The following GALNT1 variants were observed in gnomAD, a reference collection of about 807,000 sequenced individuals.
GALNT1 encodes polypeptide N-acetylgalactosaminyltransferase 1.
GALNT1 carries 17 observed loss-of-function variants against 65.7 expected under a neutral mutation model. That is an observed-to-expected ratio of 0.26 (90% CI 0.18 to 0.39). The LOEUF (loss-of-function observed/expected upper bound fraction) is 0.39, where lower values mean the gene tolerates loss of function less well. GALNT1 is among the 10% of genes least tolerant of loss of function. GALNT1 has a pLI of 1.00. For missense variants in GALNT1, 460 were observed against 672.8 expected, an observed-to-expected ratio of 0.68 and a Z score of 3.50; for synonymous variants, 210 against 219.7, an observed-to-expected ratio of 0.96 and a Z score of 0.39.
intron 1 of GALNT1, among the ~76,000 whole-genome samples, chr18:35,642,363 T>C (rs1442923925): frequency 6.6e-6 from 1 of 152,082 alleles, no homozygotes; most frequent in African/African-American, 2.4e-5. Flanking sequence ...GCAAGTCAGG[T>C]TTTTCCACTT....
intron 1 of GALNT1, among the ~76,000 whole-genome samples, chr18:35,652,692 GC>G (rs1568024532): frequency 6.6e-6 from 1 of 151,882 alleles, no homozygotes; most frequent in Non-Finnish European, 1.5e-5. Context: ...ATCATTTTTT[GC>G]CTCTCCTTTA....
At position 35,691,179 on chromosome 18, in the gene GALNT1, T is replaced by C; in HGVS notation, c.1146T>C (p.Tyr382=). The C allele has an allele frequency of 1.2e-6, 2 of 1,603,908 alleles. No homozygotes were observed. The highest frequency in any genetic ancestry group is 1.7e-6 in the Non-Finnish European group (2 of 1,176,652). ...TGGATGAATTCAAGAATTTCTTCTA[T>C]ATAATTTCTCCAGGTTAGCGTTGTT... is the stretch of plus-strand genomic sequence containing the variant. ...VWMDEFKNFF[Y]IISPGVTKVD... is the part of the protein sequence containing the mutation. Residue 382 remains tyrosine (Y), a synonymous_variant, in exon 8 of 12, where the codon TAT becomes TAC. Transcript: ENST00000269195.
At chr18:35,660,308 A>G (rs767196638) in intron 2 of GALNT1, among the ~76,000 whole-genome samples, 1 of 152,156 alleles carries the variant, frequency 6.6e-6, no homozygotes, top group African/African-American at 2.4e-5. Context: ...AAGGCATGCC[A>G]GTGGTTTGTG....
chr18:35,674,437 C>G (rs954329652), intron 3 of GALNT1, among the ~76,000 whole-genome samples: 1 of 152,146 alleles, frequency 6.6e-6, no homozygotes, highest in Non-Finnish European at 1.5e-5. Flanking sequence ...CCACATTCCA[C>G]TGGCAACCGC....
chr18:35,697,896 A>G (rs923197465), intron 9 of GALNT1, among the ~76,000 whole-genome samples: 2 of 152,232 alleles, frequency 1.3e-5, no homozygotes, highest in African/African-American at 2.4e-5. Context: ...AATCAGCCAT[A>G]AACAATTCCT....
In GALNT1 at chr18:35,662,417, C is replaced by G. The variant is rs566007973; in HGVS notation, c.140-1211C>G. Among the ~76,000 whole-genome samples the G allele has an allele frequency of 3.9e-5, 6 of 152,294 alleles. No individual in the cohort carries two copies. The South Asian group carries it at 1.0e-3, about 26-fold the overall frequency. On this transcript the variant is annotated intron_variant, in intron 2 of 11. Coordinates refer to ENST00000269195, the MANE Select transcript of GALNT1 (RefSeq NM_020474.4). ...TTTTTTCATCATCATTTTCTGAAATCTATTTTTAAATTCTGGACGTGGTTG... is the reference window on the plus strand; with the variant it reads ...TTTTTTCATCATCATTTTCTGAAATGTATTTTTAAATTCTGGACGTGGTTG...
intron 3 of GALNT1, among the ~76,000 whole-genome samples, chr18:35,675,490 A>C (rs2047698643): frequency 1.3e-5 from 2 of 152,044 alleles, no homozygotes; most frequent in Non-Finnish European, 1.5e-5. Context: ...TTATAATCTT[A>C]CAATCTTACT....
At chr18:35,601,643 G>T (rs113104739) in intron 1 of GALNT1, among the ~76,000 whole-genome samples, 3 of 152,000 alleles carry the variant, frequency 2.0e-5, no homozygotes, top group African/African-American at 7.2e-5. Flanking sequence ...ACTTCATCAC[G>T]GTCAGAAAAG....
Position 35,703,550 on chromosome 18 carries a change from C to T in GALNT1, c.1440C>T (p.Asp480=), listed in dbSNP as rs77648082. 5,337 of 1,613,836 alleles carry T rather than the reference C, an allele frequency of 3.3e-3. 163 individuals are homozygous for T. The African/African-American group carries it at 0.059, about 18-fold the overall frequency. ...YTANKEIRTD[D]LCLDVSKLNG... Reference sequence around the variant, plus strand: ...CCAACAAAGAAATTAGAACAGATGACCTTTGCTTGGATGTTTCCAAACTTA... The same window carrying T: ...CCAACAAAGAAATTAGAACAGATGATCTTTGCTTGGATGTTTCCAAACTTA... Residue 480 remains aspartate, a synonymous_variant, in exon 11 of 12, where the codon GAC becomes GAT. Transcript: ENST00000269195.
chr18:35,672,277 A>C (rs1460115174), intron 3 of GALNT1, among the ~76,000 whole-genome samples: 6 of 152,222 alleles, frequency 3.9e-5, no homozygotes, highest in Non-Finnish European at 4.4e-5. Context: ...GCTGACTCCA[A>C]AGGGACTTTT....
intron 9 of GALNT1, among the ~76,000 whole-genome samples, chr18:35,695,240 G>A (rs1343607617): frequency 6.7e-6 from 1 of 149,646 alleles, no homozygotes; most frequent in Admixed American, 6.7e-5. Flanking sequence ...TGGATAGGAG[G>A]TGAAATCTGT....
In GALNT1 at chr18:35,663,771, A is replaced by G; in HGVS notation, c.283A>G (p.Asn95Asp). ...NLMASEMIAL[N>D]RSLPDVRLEG... ...AATGGCAAGTGAGATGATTGCACTC[A>G]ACAGATCTTTACCAGATGTTAGGTT... The change falls in exon 3 of 12, where the codon AAC becomes GAC. Residue 95 changes from asparagine to aspartate, a missense_variant. By Grantham distance (23) the Asn-to-Asp change is conservative. Transcript: ENST00000269195. The G allele has an allele frequency of 1.2e-6, 2 of 1,613,940 alleles. No homozygotes were observed. The highest frequency in any genetic ancestry group is 1.7e-6 in the Non-Finnish European group (2 of 1,179,904).
intron 1 of GALNT1, among the ~76,000 whole-genome samples, chr18:35,611,710 C>T (rs1473761280): frequency 1.3e-5 from 2 of 152,152 alleles, no homozygotes; most frequent in Non-Finnish European, 2.9e-5. Flanking sequence ...GGCAGCTGGC[C>T]AGAGGCTGCC....
At chr18:35,593,423 G>A (rs2046468289) in intron 1 of GALNT1, among the ~76,000 whole-genome samples, 2 of 152,166 alleles carry the variant, frequency 1.3e-5, no homozygotes, top group Non-Finnish European at 2.9e-5. Context: ...GGAGAAAGGA[G>A]GAGATTGTAG....
intron 1 of GALNT1, among the ~76,000 whole-genome samples, chr18:35,614,319 C>T (rs546059434): frequency 3.9e-5 from 6 of 152,068 alleles, no homozygotes; most frequent in Non-Finnish European, 5.9e-5. Flanking sequence ...ATGTAATTAT[C>T]GACACAAGCA....
At chr18:35,699,141 A>G (rs1045791594) in intron 9 of GALNT1, among the ~76,000 whole-genome samples, 4 of 152,210 alleles carry the variant, frequency 2.6e-5, no homozygotes, top group Non-Finnish European at 1.5e-5. Flanking sequence ...TTCAAATCTT[A>G]TAACTAATGT....
chr18:35,657,652 C>T (rs2144412487), intron 2 of GALNT1, among the ~76,000 whole-genome samples: 1 of 152,188 alleles, frequency 6.6e-6, no homozygotes, highest in East Asian at 1.9e-4. Flanking sequence ...CCAAGGGTGG[C>T]ATTTGCTCAG....
intron 4 of GALNT1, among the ~76,000 whole-genome samples, chr18:35,683,018 A>G (rs1355160264): frequency 6.6e-6 from 1 of 151,756 alleles, no homozygotes; most frequent in Admixed American, 6.6e-5. Context: ...CAGCTATTAC[A>G]TATTCTGTGT....
chr18:35,601,943 TTGTC>T (rs1279793274), intron 1 of GALNT1, among the ~76,000 whole-genome samples: 115 of 152,338 alleles, frequency 7.5e-4, no homozygotes, highest in African/African-American at 2.7e-3. Context: ...TATTCTGAAT[TTGTC>T]TGTTTACTTT....
Sources: gnomAD v4.1 joint callset for allele counts (sites outside exome capture counted in the v4.1 genomes callset) on GRCh38, gnomAD v4.1.1 for gene constraint, MANE v1.5 for transcripts, NCBI Gene and HGNC (gene_info 2026-07-23, HGNC 2026-07-21) for gene names.